Variants in KIF7 observed in about 807,000 individuals in gnomAD.
The protein encoded by KIF7 is kinesin-like protein KIF7.
Under a neutral mutation model 135.7 loss-of-function variants are expected in KIF7, and 104 were observed. The observed-to-expected ratio is 0.77, with a 90% CI of 0.65 to 0.90. The LOEUF (loss-of-function observed/expected upper bound fraction) is 0.90, where lower values mean the gene tolerates loss of function less well. Ranked by LOEUF, KIF7 falls within the 40% of genes least tolerant of loss-of-function variation. KIF7 has a pLI of 0.00. For synonymous variants in KIF7, 883 were observed against 809.4 expected, an observed-to-expected ratio of 1.09 and a Z score of -1.54; for missense variants, 2,005 against 1,839.1, an observed-to-expected ratio of 1.09 and a Z score of -1.65.
In KIF7 at chr15:89,645,448, A is replaced by G. The variant is rs757752839; in HGVS notation, c.1926T>C (p.Asn642=). The change falls in exon 9 of 19, where the codon AAT becomes AAC. Residue 642 remains asparagine (N), a synonymous_variant. Transcript: ENST00000394412. ...PPRRTLHLRR[N]RISNCSQRAG... ...CCCTCTGACTGCAGTTGCTGATCCT[A>G]TTTCTGGAGGACAGAAGCAGGAGGC... The G allele has an allele frequency of 1.8e-5, 29 of 1,610,622 alleles. No individual in the cohort carries two copies. Among genetic ancestry groups the G allele is most frequent in the East Asian group, 6.7e-5 (3 of 44,772 alleles).
At chr15:89,655,129 C>T (rs1302487777) in intron 1 of KIF7, among the ~76,000 whole-genome samples, 1 of 152,208 alleles carries the variant, frequency 6.6e-6, no homozygotes, top group East Asian at 1.9e-4. Context: ...AATCGGGACC[C>T]GACTCTCGCA....
chr15:89,629,746 T>A, intron 16 of KIF7, 173 bp from the exon 17 acceptor site: 1 of 767,004 alleles, frequency 1.3e-6, no homozygotes, highest in Non-Finnish European at 2.1e-6. Flanking sequence ...GCTCTAGTTA[T>A]CTTCCAACGA....
chr15:89,631,790 G>T, intron 14 of KIF7, 80 bp from the exon 15 acceptor site: 2 of 1,240,602 alleles, frequency 1.6e-6, no homozygotes, highest in Non-Finnish European at 2.2e-6. Context: ...GGATGTTAAG[G>T]AGGACTTGCG....
At chr15:89,624,777 G>A (rs1423498450), downstream of KIF7, 1 of 1,614,070 alleles carries the variant, frequency 6.2e-7, no homozygotes, top group African/African-American at 1.3e-5. Context: ...AAGAGGGTGA[G>A]GGGCTAAGGA....
chr15:89,657,119 G>A (rs1964214766), upstream of KIF7, among the ~76,000 whole-genome samples: 1 of 152,094 alleles, frequency 6.6e-6, no homozygotes, highest in South Asian at 2.1e-4. Flanking sequence ...ACCAACCTGG[G>A]CAATAGGGCA....
At chr15:89,656,433 G>T (rs1403559780), upstream of KIF7, among the ~76,000 whole-genome samples, 1 of 151,702 alleles carries the variant, frequency 6.6e-6, no homozygotes, top group Non-Finnish European at 1.5e-5. Flanking sequence ...GGTGAAGCAT[G>T]CCCTTTGGAT....
Position 89,642,250 on chromosome 15 carries a change from G to C in KIF7, c.2347C>G (p.Leu783Val), listed in dbSNP as rs1479254747. The part of the protein sequence containing the change: ...ELQDAGERSR[L>V]QEFRRRVAAA... The stretch of plus-strand genomic sequence containing the variant: ...GCGACCCTCCTGCGGAACTCCTGGA[G>C]CCGAGACCGCTCGCCAGCATCCTGG... The change falls in exon 11 of 19, where the codon CTC (leucine) becomes GTC (valine). Residue 783 changes from leucine (L) to valine (V), a missense_variant. Transcript: ENST00000394412. 6.2e-7 allele frequency: 1 copy of C among 1,610,160 alleles called. No homozygotes were observed. The highest frequency in any genetic ancestry group is 1.3e-5 in the African/African-American group (1 of 74,864).
intron 1 of KIF7, chr15:89,619,765 C>G (rs532159490): frequency 6.2e-7 from 1 of 1,614,004 alleles, no homozygotes; most frequent in African/African-American, 1.3e-5. Context: ...AGGACACATT[C>G]TGCCTCCTTC....
At chr15:89,652,177 T>A (rs759207342) in intron 2 of KIF7, among the ~76,000 whole-genome samples, 1 of 152,204 alleles carries the variant, frequency 6.6e-6, no homozygotes. Context: ...AGAGCCTGGC[T>A]GAAGCACCCT....
rs1000402274 is a variant in KIF7, at chr15:89,630,560, T to C, written c.3112-67A>G. The C allele has an allele frequency of 3.0e-6, 4 of 1,336,528 alleles. No homozygotes were observed. The South Asian group carries it at 3.8e-5, about 13-fold the overall frequency. The allele number at this position is 1,336,528 out of a possible 1,614,324, so 82.8% of individuals were successfully genotyped here. On this transcript the variant is annotated intron_variant, in intron 15 of 18. Transcript: ENST00000394412. The stretch of plus-strand genomic sequence containing the variant: ...TGAATGCTGAAGTCCTGGGCAGACA[T>C]GCAACAGCCAACACGTAGCCACAAC...
downstream of KIF7, chr15:89,624,248 C>T (rs887643190): frequency 3.7e-6 from 6 of 1,614,084 alleles, no homozygotes; most frequent in African/African-American, 6.7e-5. Flanking sequence ...AAACTGTTTA[C>T]CTCTCCTTTA....
At chr15:89,640,813 CTG>C (rs1963904220) in intron 11 of KIF7, among the ~76,000 whole-genome samples, 1 of 140,660 alleles carries the variant, frequency 7.1e-6, no homozygotes, top group African/African-American at 2.6e-5. Context: ...TGGTGAAACA[CTG>C]TCTCTACTTA....
intron 17 of KIF7, 68 bp downstream of exon 17, chr15:89,629,307 G>A: frequency 8.1e-7 from 1 of 1,236,220 alleles, no homozygotes; most frequent in South Asian, 1.5e-5. Flanking sequence ...GGGGGTGCAG[G>A]GCGGGGAAGA....
chr15:89,633,020 G>GAGGGAGCGAGGGAGGA, intron 13 of KIF7, 24 bp from the exon 14 acceptor site: 1 of 1,090,982 alleles, frequency 9.2e-7, no homozygotes, highest in Non-Finnish European at 1.4e-6. Context: ...GGGAGGGAGG[G>GAGGGAGCGAGGGAGGA]AGGGAACTCA....
chr15:89,626,967 G>C, downstream of KIF7: 1 of 1,614,032 alleles, frequency 6.2e-7, no homozygotes, highest in Non-Finnish European at 8.5e-7. Context: ...TGAGGATGTG[G>C]ATGTTCTTCC....
chr15:89,642,538 A>G, intron 10 of KIF7, 133 bp from the exon 11 acceptor site: 1 of 623,576 alleles, frequency 1.6e-6, no homozygotes. Flanking sequence ...CACCAGTACC[A>G]CAGTTTACTT....
chr15:89,624,935 A>G, downstream of KIF7: 2 of 1,613,980 alleles, frequency 1.2e-6, no homozygotes, highest in Non-Finnish European at 1.7e-6. Flanking sequence ...CAACTAGACA[A>G]CCTGCCAGCA....
rs1233734190 is a variant in KIF7 at position 89,648,789 on chromosome 15, G to C, written c.924-15C>G. ...CTTTGAGGATCCTGAGGGCGCGAGGGGGAGGCTCTCAGGGGCCCCGACGCT... is the reference window on the plus strand; with the variant it reads ...CTTTGAGGATCCTGAGGGCGCGAGGCGGAGGCTCTCAGGGGCCCCGACGCT... On this transcript the variant is annotated splice_polypyrimidine_tract_variant and intron_variant, in intron 4 of 18. Transcript: ENST00000394412. The C allele has an allele frequency of 2.6e-6, 4 of 1,528,122 alleles. No homozygotes were observed. The highest frequency in any genetic ancestry group is 1.4e-5 in the African/African-American group (1 of 72,840). 94.7% of individuals were successfully genotyped at this position (1,528,122 alleles called of 1,614,324 possible). A position where few individuals can be genotyped will look rare whatever the true frequency, so the allele number is the denominator to read the frequency against.
In KIF7 at chr15:89,649,882, G is replaced by C. The variant is rs1383044852; in HGVS notation, c.388C>G (p.Leu130Val). ...TCAAGCAGGTCGTTCTCATCGATGA[G>C]CTTGAAGGCCTCGGCCATGGCCCTC... ...VPRAMAEAFK[L>V]IDENDLLDCL... The change falls in exon 3 of 19, where the codon CTC (leucine) becomes GTC (valine). Residue 130 changes from leucine to valine, a missense_variant. Physicochemically the swap from Leu to Val is conservative, Grantham distance 32. Coordinates refer to ENST00000394412, the MANE Select transcript of KIF7 (RefSeq NM_198525.3). 2 of 1,551,646 alleles carry C rather than the reference G, an allele frequency of 1.3e-6. No individual in the cohort carries two copies. Among genetic ancestry groups the C allele is most frequent in the East Asian group, 2.4e-5 (1 of 40,934 alleles).
Sources: gnomAD v4.1 joint callset for allele counts (sites outside exome capture counted in the v4.1 genomes callset) on GRCh38, gnomAD v4.1.1 for gene constraint, MANE v1.5 for transcripts, NCBI Gene and HGNC (gene_info 2026-07-23, HGNC 2026-07-21) for gene names.